The following NELL2 variants were observed in gnomAD, a reference collection of about 807,000 sequenced individuals.
NELL2 encodes the protein protein kinase C-binding protein NELL2.
In NELL2, 41 loss-of-function variants were observed where a neutral mutation model predicts 109.6. The observed-to-expected ratio is 0.37, with a 90% CI of 0.29 to 0.49. NELL2 has a LOEUF of 0.49. NELL2 is among the 20% of genes least tolerant of loss of function. The probability of loss-of-function intolerance (pLI) is 0.98; values close to 1 mark genes in which losing one functional copy is unlikely to be tolerated. For synonymous variants in NELL2, 355 were observed against 344.7 expected (o/e 1.03, Z -0.33); for missense variants, 900 against 1,008.3 (o/e 0.89, Z 1.45).
At position 44,817,416 on chromosome 12, in the gene NELL2, G is replaced by A. The variant is rs114273521; in HGVS notation, c.185-1280C>T. 9.3e-3 allele frequency among the ~76,000 whole-genome samples: 1,415 copies of A among 152,254 alleles called. 17 individuals are homozygous for A. The highest frequency in any genetic ancestry group is 0.032 in the African/African-American group (1,319 of 41,526). On this transcript the variant is annotated intron_variant, in intron 2 of 19. Coordinates refer to ENST00000429094, the MANE Select transcript of NELL2 (RefSeq NM_001145108.2). ...AGAGCACACAGACCTTGAGACACTC[G>A]TATAATAGAAGAAGGGACACCTAAT...
intron 1 of NELL2, among the ~76,000 whole-genome samples, chr12:44,901,487 C>T (rs1386339868): frequency 6.6e-6 from 1 of 152,162 alleles, no homozygotes; most frequent in Admixed American, 6.5e-5. Context: ...GGAGCTGGTA[C>T]CATTCCTTCT....
At chr12:44,585,160 A>G (rs1328108606) in intron 15 of NELL2, among the ~76,000 whole-genome samples, 1 of 152,230 alleles carries the variant, frequency 6.6e-6, no homozygotes, top group African/African-American at 2.4e-5. Flanking sequence ...GCAGTATCCA[A>G]TGTTCATACA....
At chr12:44,521,814 C>T in intron 18 of NELL2, 186 bp downstream of exon 18, 1 of 580,294 alleles carries the variant, frequency 1.7e-6, no homozygotes. Flanking sequence ...CCACATCTAC[C>T]TCAGAATATT....
intron 15 of NELL2, among the ~76,000 whole-genome samples, chr12:44,580,186 C>G (rs377236673): frequency 5.9e-5 from 9 of 152,094 alleles, no homozygotes; most frequent in East Asian, 3.9e-4. Flanking sequence ...GTAGAGACTC[C>G]TACTCTGGTA....
chr12:44,913,472 C>G (rs1945801079), intron 1 of NELL2, among the ~76,000 whole-genome samples: 1 of 152,106 alleles, frequency 6.6e-6, no homozygotes, highest in African/African-American at 2.4e-5. Flanking sequence ...AAAATCAGCT[C>G]TCAAACTAGG....
At chr12:44,857,137 T>G (rs2136794522) in intron 2 of NELL2, among the ~76,000 whole-genome samples, 1 of 152,292 alleles carries the variant, frequency 6.6e-6, no homozygotes, top group Middle Eastern at 3.4e-3. Context: ...ACAACCTACC[T>G]GAATCCTGAA....
At chr12:44,708,377 G>A (rs1471420352) in intron 11 of NELL2, among the ~76,000 whole-genome samples, 1 of 152,142 alleles carries the variant, frequency 6.6e-6, no homozygotes, top group East Asian at 1.9e-4. Flanking sequence ...TGAGCCTCTA[G>A]TGAAAAAGTC....
chr12:44,716,834 A>G (rs1016513394), intron 9 of NELL2, among the ~76,000 whole-genome samples: 1 of 152,108 alleles, frequency 6.6e-6, no homozygotes, highest in Non-Finnish European at 1.5e-5. Context: ...ATTGTAAAAA[A>G]AACACAAGGG....
chr12:44,801,206 A>T (rs1287051984), intron 3 of NELL2, among the ~76,000 whole-genome samples: 1 of 152,154 alleles, frequency 6.6e-6, no homozygotes, highest in African/African-American at 2.4e-5. Context: ...AAATTAAAAG[A>T]CAAAATAGTT....
chr12:44,756,560 A>C (rs1940899541), intron 9 of NELL2, among the ~76,000 whole-genome samples: 1 of 152,096 alleles, frequency 6.6e-6, no homozygotes, highest in East Asian at 1.9e-4. Flanking sequence ...CAGGCCACCA[A>C]AAATGCTTTA....
chr12:44,903,516 G>A (rs561355117), intron 1 of NELL2, among the ~76,000 whole-genome samples: 2 of 152,220 alleles, frequency 1.3e-5, no homozygotes, highest in South Asian at 4.1e-4. Context: ...AATACCATTT[G>A]ACCCAGAAAT....
chr12:44,770,729 T>C (rs1229930008), intron 9 of NELL2, among the ~76,000 whole-genome samples: 1 of 152,212 alleles, frequency 6.6e-6, no homozygotes, highest in East Asian at 1.9e-4. Context: ...CCAGTTCTGA[T>C]GGTCACATTC....
At chr12:44,843,784 G>A (rs1398866962) in intron 2 of NELL2, among the ~76,000 whole-genome samples, 4 of 152,152 alleles carry the variant, frequency 2.6e-5, no homozygotes, top group African/African-American at 9.7e-5. Flanking sequence ...CACTTTGGGA[G>A]GCCAAGACAG....
At chr12:44,792,492 C>T (rs1942471158) in intron 3 of NELL2, among the ~76,000 whole-genome samples, 2 of 152,082 alleles carry the variant, frequency 1.3e-5, no homozygotes, top group African/African-American at 4.8e-5. Context: ...CACAGATTAA[C>T]TTTACATTTT....
Position 44,520,119 on chromosome 12 carries a change from A to G in NELL2, c.2286T>C (p.Ala762=), listed in dbSNP as rs1941463303. The G allele has an allele frequency of 1.2e-6, 2 of 1,614,076 alleles. No homozygotes were observed. Among genetic ancestry groups the G allele is most frequent in the Non-Finnish European group, 1.7e-6 (2 of 1,180,040 alleles). Residue 762 remains alanine, a synonymous_variant, in exon 19 of 20, where the codon GCT becomes GCC. Coordinates refer to ENST00000429094, the MANE Select transcript of NELL2 (RefSeq NM_001145108.2). ...CPRCVTDPCQ[A]DTIRNDITKT... is the part of the protein sequence containing the mutation. ...TGGTGATGTCATTGCGGATGGTGTC[A>G]GCCTGGCAAGGGTCTGTGACACAGC...
chr12:44,567,338 G>A (rs958776187), intron 15 of NELL2, among the ~76,000 whole-genome samples: 13 of 152,134 alleles, frequency 8.5e-5, no homozygotes, highest in African/African-American at 3.1e-4. Context: ...GAATTCTCCT[G>A]TAAAAACTAT....
chr12:44,718,158 G>T (rs1035940110), intron 9 of NELL2, among the ~76,000 whole-genome samples: 1 of 152,116 alleles, frequency 6.6e-6, no homozygotes, highest in Non-Finnish European at 1.5e-5. Context: ...TAAAATGAGG[G>T]AACTGAGCTC....
chr12:44,904,629 C>T (rs369363483), intron 1 of NELL2, among the ~76,000 whole-genome samples: 4 of 152,234 alleles, frequency 2.6e-5, no homozygotes, highest in South Asian at 4.1e-4. Flanking sequence ...ATGACATGAG[C>T]TAGAAATAAG....
At chr12:44,641,591 A>C (rs1397869681) in intron 13 of NELL2, among the ~76,000 whole-genome samples, 1 of 151,630 alleles carries the variant, frequency 6.6e-6, no homozygotes, top group East Asian at 1.9e-4. Context: ...GTAAGGCTAT[A>C]TGGGAGAAAG....
Sources: allele counts gnomAD v4.1 joint callset (sites outside exome capture counted in the v4.1 genomes callset), GRCh38; gene constraint gnomAD v4.1.1; transcripts MANE v1.5; gene names NCBI Gene and HGNC (gene_info 2026-07-23, HGNC 2026-07-21).